The following ATP9B variants were observed in gnomAD, a reference collection of about 807,000 sequenced individuals.
ATP9B encodes the protein probable phospholipid-transporting ATPase IIB.
In ATP9B, 110 loss-of-function variants were observed where a neutral mutation model predicts 146.1. The ratio of observed to expected loss-of-function variants is 0.75; its 90% confidence interval spans 0.65 to 0.88. The LOEUF is 0.88. ATP9B is among the 40% of genes least tolerant of loss of function. The probability of loss-of-function intolerance (pLI) is 0.00; values close to 1 mark genes in which losing one functional copy is unlikely to be tolerated. For synonymous variants in ATP9B, 604 were observed against 569.7 expected, an observed-to-expected ratio of 1.06 and a Z score of -0.86; for missense variants, 1,499 against 1,496.4, an observed-to-expected ratio of 1.00 and a Z score of -0.03.
chr18:79,185,400 G>A (rs1346083822), intron 8 of ATP9B, among the ~76,000 whole-genome samples: 4 of 152,018 alleles, frequency 2.6e-5, no homozygotes, highest in African/African-American at 4.8e-5. Context: ...TCAAAAATAT[G>A]TACAGAATTA....
intron 2 of ATP9B, among the ~76,000 whole-genome samples, chr18:79,099,963 A>G (rs1259673053): frequency 6.6e-6 from 1 of 152,004 alleles, no homozygotes; most frequent in Admixed American, 6.6e-5. Context: ...TGTCTCTACT[A>G]AAAGTACAAA....
intron 2 of ATP9B, among the ~76,000 whole-genome samples, chr18:79,100,364 T>C (rs1309300497): frequency 1.3e-5 from 2 of 152,216 alleles, no homozygotes; most frequent in African/African-American, 4.8e-5. Context: ...CATGAGTTTC[T>C]AAACATCATT....
intron 15 of ATP9B, among the ~76,000 whole-genome samples, chr18:79,316,244 C>T (rs970349217): frequency 6.6e-6 from 1 of 152,108 alleles, no homozygotes; most frequent in Non-Finnish European, 1.5e-5. Flanking sequence ...AATGGCCGGT[C>T]GTGCAGGTGG....
At chr18:79,365,360 T>C (rs1341453205) in intron 26 of ATP9B, among the ~76,000 whole-genome samples, 5 of 152,116 alleles carry the variant, frequency 3.3e-5, no homozygotes, top group Non-Finnish European at 7.4e-5. Context: ...CGTGAAAGGC[T>C]GGGGAGGGTC....
chr18:79,325,444 A>C (rs758562690), intron 15 of ATP9B, among the ~76,000 whole-genome samples: 7 of 152,208 alleles, frequency 4.6e-5, no homozygotes, highest in African/African-American at 7.2e-5. Context: ...AATATGAGAA[A>C]TTTGTAAAAG....
At chr18:79,108,572 G>T (rs1490373156) in intron 2 of ATP9B, among the ~76,000 whole-genome samples, 1 of 152,182 alleles carries the variant, frequency 6.6e-6, no homozygotes, top group East Asian at 1.9e-4. Context: ...CAGTCTTTGT[G>T]TGCTGCGGTA....
intron 15 of ATP9B, among the ~76,000 whole-genome samples, chr18:79,317,952 C>T (rs1369330211): frequency 1.3e-5 from 2 of 152,150 alleles, no homozygotes; most frequent in East Asian, 1.9e-4. Flanking sequence ...GGGGATGTGT[C>T]GGAGGGACAC....
intron 1 of ATP9B, among the ~76,000 whole-genome samples, chr18:79,074,839 T>C (rs1407813738): frequency 6.6e-6 from 1 of 152,236 alleles, no homozygotes; most frequent in Non-Finnish European, 1.5e-5. Flanking sequence ...GAAGTTGTGC[T>C]TCTACATTAT....
intron 5 of ATP9B, among the ~76,000 whole-genome samples, chr18:79,130,101 C>T (rs1235506536): frequency 6.6e-6 from 1 of 152,152 alleles, no homozygotes; most frequent in African/African-American, 2.4e-5. Flanking sequence ...ATGTGGCCCA[C>T]TCCCAGAAGA....
chr18:79,372,029 A>G (rs117774831), intron 26 of ATP9B, among the ~76,000 whole-genome samples: 1 of 152,374 alleles, frequency 6.6e-6, no homozygotes, highest in East Asian at 1.9e-4. Context: ...GGCCTCACAT[A>G]AAGACAGGGC....
chr18:79,333,263 G>A (rs1485156382), intron 17 of ATP9B, among the ~76,000 whole-genome samples: 1 of 152,216 alleles, frequency 6.6e-6, no homozygotes, highest in Admixed American at 6.5e-5. Flanking sequence ...TGTCTGGGCT[G>A]CAACTGCCAT....
intron 12 of ATP9B, among the ~76,000 whole-genome samples, chr18:79,275,509 C>T (rs899960878): frequency 6.6e-6 from 1 of 152,256 alleles, no homozygotes; most frequent in Non-Finnish European, 1.5e-5. Flanking sequence ...TGAGCCTTTC[C>T]TGCCTGTCAA....
chr18:79,317,203 T>C (rs1046441183), intron 15 of ATP9B, among the ~76,000 whole-genome samples: 1 of 152,100 alleles, frequency 6.6e-6, no homozygotes, highest in Non-Finnish European at 1.5e-5. Flanking sequence ...CAAGAAAAAG[T>C]TTGGCAATGA....
chr18:79,101,831 T>C (rs951623826), intron 2 of ATP9B, among the ~76,000 whole-genome samples: 2 of 152,232 alleles, frequency 1.3e-5, no homozygotes, highest in Admixed American at 6.5e-5. Flanking sequence ...AATTTCTACT[T>C]GTGTTGTTTA....
rs551245121 is a variant in ATP9B at position 79,276,157 on chromosome 18, C to T, written c.1269-897C>T. ...TTGAGTTGCTGTATAGGAAGAACTG[C>T]GCTGCCAGCAGCCGCATGAGCAGAG... is the stretch of plus-strand genomic sequence containing the variant. On this transcript the variant is annotated intron_variant, in intron 12 of 29. Coordinates refer to ENST00000426216, the MANE Select transcript of ATP9B (RefSeq NM_198531.5). Among the ~76,000 whole-genome samples, 180 of 152,252 alleles carry T rather than the reference C, an allele frequency of 1.2e-3. 1 individual carries two copies. The highest frequency in any genetic ancestry group is 4.3e-3 in the African/African-American group (177 of 41,534).
At chr18:79,283,582 A>C (rs1445823038) in intron 13 of ATP9B, among the ~76,000 whole-genome samples, 1 of 152,232 alleles carries the variant, frequency 6.6e-6, no homozygotes, top group Non-Finnish European at 1.5e-5. Flanking sequence ...TGGTATAATT[A>C]GGTTTGATTG....
In ATP9B at chr18:79,193,167, ATG is replaced by A. The variant is rs2095385005; in HGVS notation, c.874-14_874-13del. On this transcript the variant is annotated splice_polypyrimidine_tract_variant and intron_variant, in intron 8 of 29. Transcript: ENST00000426216. ...AACTATAACATTCTAATCGATTCAA[ATG>A]TTCTGTATTCCAGGACCTTTTTTCT... 4 of 1,551,362 alleles carry A rather than the reference ATG, an allele frequency of 2.6e-6. No homozygotes were observed. Among genetic ancestry groups the A allele is most frequent in the Non-Finnish European group, 3.6e-6 (4 of 1,126,606 alleles).
At chr18:79,287,353 G>C (rs899368334) in intron 13 of ATP9B, among the ~76,000 whole-genome samples, 15 of 152,200 alleles carry the variant, frequency 9.9e-5, no homozygotes, top group Admixed American at 8.5e-4. Context: ...TTAGGAGGGT[G>C]TATGTGTTGA....
intron 16 of ATP9B, among the ~76,000 whole-genome samples, chr18:79,329,599 C>A (rs1194534824): frequency 6.6e-6 from 1 of 152,100 alleles, no homozygotes; most frequent in African/African-American, 2.4e-5. Context: ...ACAAAAATAA[C>A]ATGCCAAAGA....
Sources: gnomAD v4.1 joint callset for allele counts (sites outside exome capture counted in the v4.1 genomes callset) on GRCh38, gnomAD v4.1.1 for gene constraint, MANE v1.5 for transcripts, NCBI Gene and HGNC (gene_info 2026-07-23, HGNC 2026-07-21) for gene names.